CDYL: variants seen among roughly 807,000 people sequenced by gnomAD.
CDYL encodes chromodomain Y-like protein.
A neutral mutation model predicts 47.3 loss-of-function variants in CDYL; 8 were observed. That is an observed-to-expected ratio of 0.17 (90% CI 0.10 to 0.31). CDYL has a LOEUF of 0.31. Ranked by LOEUF, CDYL falls within the 10% of genes least tolerant of loss-of-function variation. The probability of loss-of-function intolerance (pLI) is 1.00; values close to 1 mark genes in which losing one functional copy is unlikely to be tolerated. For missense variants in CDYL, 471 were observed against 701.4 expected (o/e 0.67, Z 3.71); for synonymous variants, 266 against 265.0 (o/e 1.00, Z -0.04).
intron 1 of CDYL, among the ~76,000 whole-genome samples, chr6:4,855,342 T>C (rs1044514083): frequency 6.6e-6 from 1 of 152,154 alleles, no homozygotes; most frequent in East Asian, 1.9e-4. Flanking sequence ...AGTGTTGTGA[T>C]CACAGTGTCA....
chr6:4,816,524 TCTCA>T (rs1284093351), intron 1 of CDYL, among the ~76,000 whole-genome samples: 1 of 146,826 alleles, frequency 6.8e-6, no homozygotes, highest in Non-Finnish European at 1.5e-5. Flanking sequence ...TTTAATGGAG[TCTCA>T]CTCTGTCACC....
chr6:4,919,165 G>A (rs983521719), intron 2 of CDYL, among the ~76,000 whole-genome samples: 1 of 152,164 alleles, frequency 6.6e-6, no homozygotes, highest in African/African-American at 2.4e-5. Context: ...TCAGCAAAAT[G>A]AGTGTCTTTA....
chr6:4,892,038 A>G lies in CDYL; in HGVS notation c.350A>G (p.Gln117Arg). ...SKNSQLFAAS[Q>R]KFRKNTAPSL... ...AACAGCCAGCTGTTTGCTGCCAGCC[A>G]GAAGTTCAGGAAGAACACAGCTCCA... is the stretch of plus-strand genomic sequence containing the variant. The change falls in exon 2 of 7, where the codon CAG (glutamine) becomes CGG (arginine). Residue 117 changes from glutamine to arginine, a missense_variant. Gln to Arg is a conservative substitution (Grantham distance 43). Transcript: ENST00000397588. 1 of 1,614,252 alleles carries G rather than the reference A, an allele frequency of 6.2e-7. No homozygotes were observed. The highest frequency in any genetic ancestry group is 8.5e-7 in the Non-Finnish European group (1 of 1,180,032).
chr6:4,948,829 T>C (rs1261328409), intron 5 of CDYL, among the ~76,000 whole-genome samples: 1 of 152,246 alleles, frequency 6.6e-6, no homozygotes, highest in Non-Finnish European at 1.5e-5. Flanking sequence ...ACGAAGCCTC[T>C]CTACAGAAAG....
intron 1 of CDYL, among the ~76,000 whole-genome samples, chr6:4,867,770 G>C (rs1761360877): frequency 7.0e-6 from 1 of 141,956 alleles, no homozygotes; most frequent in Non-Finnish European, 1.5e-5. Flanking sequence ...GGTTGTTGTG[G>C]GGTTTTTTTT....
At chr6:4,743,620 A>G (rs1216855085) in intron 3 of CDYL, among the ~76,000 whole-genome samples, 1 of 152,214 alleles carries the variant, frequency 6.6e-6, no homozygotes, top group Non-Finnish European at 1.5e-5. Flanking sequence ...CTAATTTTCC[A>G]ACTGATGATA....
intron 2 of CDYL, among the ~76,000 whole-genome samples, chr6:4,917,072 CT>C (rs1320164076): frequency 6.6e-6 from 1 of 152,170 alleles, no homozygotes; most frequent in East Asian, 1.9e-4. Flanking sequence ...CTTTTCTGTA[CT>C]TTGTGGATTC....
intron 3 of CDYL, among the ~76,000 whole-genome samples, chr6:4,746,773 T>C (rs1410841206): frequency 6.6e-6 from 1 of 152,058 alleles, no homozygotes; most frequent in South Asian, 2.1e-4. Flanking sequence ...GTCGCTGGCA[T>C]AGACTAATGG....
At chr6:4,761,432 C>T (rs1758173588) in intron 3 of CDYL, among the ~76,000 whole-genome samples, 1 of 152,192 alleles carries the variant, frequency 6.6e-6, no homozygotes, top group African/African-American at 2.4e-5. Flanking sequence ...CAAACTCCAC[C>T]TCCCGGGTTC....
At chr6:4,744,229 C>T (rs1757848433) in intron 3 of CDYL, among the ~76,000 whole-genome samples, 1 of 152,164 alleles carries the variant, frequency 6.6e-6, no homozygotes, top group Non-Finnish European at 1.5e-5. Flanking sequence ...CGCGAAGTCT[C>T]ACACTGCAAT....
chr6:4,786,573 G>C (rs1758762586), intron 1 of CDYL, among the ~76,000 whole-genome samples: 1 of 152,182 alleles, frequency 6.6e-6, no homozygotes, highest in African/African-American at 2.4e-5. Context: ...AAAAATACTT[G>C]TTTTCTGTCT....
intron 5 of CDYL, among the ~76,000 whole-genome samples, chr6:4,950,897 A>C (rs1380389815): frequency 2.1e-5 from 3 of 146,210 alleles, no homozygotes. Flanking sequence ...GCACCACTGC[A>C]CTCCAGCCTG....
chr6:4,897,169 G>C (rs1017334448), intron 2 of CDYL, among the ~76,000 whole-genome samples: 2 of 152,148 alleles, frequency 1.3e-5, no homozygotes, highest in Non-Finnish European at 2.9e-5. Flanking sequence ...TCGTAACTTT[G>C]TCCTTTCATG....
chr6:4,807,576 A>G (rs577673168), intron 1 of CDYL, among the ~76,000 whole-genome samples: 2 of 131,170 alleles, frequency 1.5e-5, no homozygotes, highest in South Asian at 2.6e-4. Flanking sequence ...TTCTCTGTAT[A>G]TCATTCATTC....
At chr6:4,740,927 C>G (rs893014978) in intron 3 of CDYL, among the ~76,000 whole-genome samples, 2 of 151,946 alleles carry the variant, frequency 1.3e-5, no homozygotes, top group African/African-American at 4.8e-5. Flanking sequence ...GCTGGGATTA[C>G]AGGCATGTGC....
chr6:4,726,371 C>G (rs1046550527), intron 2 of CDYL, among the ~76,000 whole-genome samples: 1 of 151,952 alleles, frequency 6.6e-6, no homozygotes, highest in Non-Finnish European at 1.5e-5. Context: ...CCTGTCTGTA[C>G]TAAAAATACA....
At chr6:4,711,291 G>GA (rs1390400390) in intron 1 of CDYL, among the ~76,000 whole-genome samples, 9 of 152,298 alleles carry the variant, frequency 5.9e-5, no homozygotes, top group Admixed American at 4.6e-4. Context: ...AGTAAAGGAA[G>GA]AAACAAGAAG....
chr6:4,830,984 T>G (rs541957395), intron 1 of CDYL, among the ~76,000 whole-genome samples: 1,736 of 152,278 alleles, frequency 0.011, 29 homozygotes, highest in African/African-American at 0.04. Flanking sequence ...GTGCCACATT[T>G]TCTTAATCCA....
chr6:4,937,585 T>C lies in CDYL; in HGVS notation c.969T>C (p.Ser323=). The C allele has an allele frequency of 6.4e-7, 1 of 1,573,050 alleles. No individual in the cohort carries two copies. Among genetic ancestry groups the C allele is most frequent in the Non-Finnish European group, 8.6e-7 (1 of 1,162,240 alleles). The change falls in exon 4 of 7, where the codon AGT becomes AGC. Residue 323 remains serine, a synonymous_variant. Coordinates refer to ENST00000397588, the MANE Select transcript of CDYL (RefSeq NM_004824.4). ...TTCAGGTAATGAGAGAAGTCCAGAG[T>C]GCTCTGAGCACGGCCGCTGCCGATG... ...LNPEVMREVQ[S]ALSTAAADDS...
Sources: gnomAD v4.1 joint callset for allele counts (sites outside exome capture counted in the v4.1 genomes callset) on GRCh38, gnomAD v4.1.1 for gene constraint, MANE v1.5 for transcripts, NCBI Gene and HGNC (gene_info 2026-07-23, HGNC 2026-07-21) for gene names.